Variants in SPOCK3 observed in about 807,000 individuals in gnomAD.
SPOCK3 encodes SPARC (osteonectin), cwcv and kazal like domains proteoglycan 3.
In SPOCK3, 30 loss-of-function variants were observed where a neutral mutation model predicts 56.6. The ratio of observed to expected loss-of-function variants is 0.53; its 90% CI spans 0.40 to 0.72. The LOEUF is 0.72. Ranked by LOEUF, SPOCK3 falls within the 30% of genes least tolerant of loss-of-function variation. SPOCK3 has a pLI of 0.00. For synonymous variants in SPOCK3, 196 were observed against 183.3 expected, an observed-to-expected ratio of 1.07 and a Z score of -0.56; for missense variants, 527 against 530.0, an observed-to-expected ratio of 0.99 and a Z score of 0.06.
intron 6 of SPOCK3, 34 bp from the exon 7 acceptor site, chr4:166,792,323 A>G: frequency 6.2e-7 from 1 of 1,610,592 alleles, no homozygotes. Flanking sequence ...GTCTTGAATA[A>G]TATCTTAGTA....
chr4:167,110,236 G>A (rs931979456), intron 2 of SPOCK3, among the ~76,000 whole-genome samples: 4 of 151,912 alleles, frequency 2.6e-5, no homozygotes, highest in Non-Finnish European at 4.4e-5. Context: ...TCCCCCAAGA[G>A]TATTCCACAT....
chr4:166,854,065 A>T lies in SPOCK3; in HGVS notation c.589+35065T>A, dbSNP rs542567459. Among the ~76,000 whole-genome samples, 3 of 152,314 alleles carry T rather than the reference A, an allele frequency of 2.0e-5. No individual in the cohort carries two copies. The East Asian group carries it at 5.8e-4, about 29-fold the overall frequency. On this transcript the variant is annotated intron_variant, in intron 6 of 10. Coordinates refer to ENST00000357545, the MANE Select transcript of SPOCK3 (RefSeq NM_001040159.2). ...TTTACCTACAAAAAGGCAACTTCAC[A>T]TAGCTCAACTCAATATATTTTGCAT...
At chr4:166,847,647 T>TTATATATATATATACATATATA (rs1553986752) in intron 6 of SPOCK3, among the ~76,000 whole-genome samples, 2 of 55,366 alleles carry the variant, frequency 3.6e-5, no homozygotes, top group African/African-American at 1.0e-4. Context: ...AAATCCTAGT[T>TTATATATATATATACATATATA]TATATATATA....
At chr4:166,826,750 T>A (rs1745523695) in intron 6 of SPOCK3, among the ~76,000 whole-genome samples, 1 of 152,150 alleles carries the variant, frequency 6.6e-6, no homozygotes, top group South Asian at 2.1e-4. Flanking sequence ...GATTTTTGTC[T>A]TTGTGGCATT....
At chr4:166,844,946 G>GT (rs953821366) in intron 6 of SPOCK3, among the ~76,000 whole-genome samples, 29 of 152,268 alleles carry the variant, frequency 1.9e-4, no homozygotes, top group African/African-American at 6.5e-4. Context: ...CCTGTCCGTG[G>GT]TTTTTTCTTT....
intron 2 of SPOCK3, among the ~76,000 whole-genome samples, chr4:167,150,360 C>G (rs1272580602): frequency 2.0e-5 from 3 of 151,308 alleles, no homozygotes; most frequent in Non-Finnish European, 4.4e-5. Flanking sequence ...AGAAAAGTTA[C>G]TGAAGAAATA....
At chr4:167,072,098 G>T (rs1218985148) in intron 2 of SPOCK3, among the ~76,000 whole-genome samples, 3 of 152,018 alleles carry the variant, frequency 2.0e-5, no homozygotes, top group African/African-American at 7.2e-5. Flanking sequence ...TCTGCAAGAG[G>T]TAAGTGATTC....
chr4:167,224,459 A>T (rs1392001465), intron 2 of SPOCK3, among the ~76,000 whole-genome samples: 1 of 152,176 alleles, frequency 6.6e-6, no homozygotes. Flanking sequence ...AATCCACATA[A>T]AAAAGCTTAA....
intron 7 of SPOCK3, among the ~76,000 whole-genome samples, chr4:166,772,614 G>T (rs762644353): frequency 3.9e-5 from 6 of 152,080 alleles, no homozygotes; most frequent in Non-Finnish European, 8.8e-5. Context: ...TGATATTATT[G>T]GGAAATTGAT....
At chr4:167,050,215 T>C (rs574348210) in intron 3 of SPOCK3, among the ~76,000 whole-genome samples, 1 of 152,252 alleles carries the variant, frequency 6.6e-6, no homozygotes, top group African/African-American at 2.4e-5. Flanking sequence ...CTTTGGACTG[T>C]TTTAATAAGA....
intron 5 of SPOCK3, among the ~76,000 whole-genome samples, chr4:166,903,031 C>T (rs1379220496): frequency 1.3e-5 from 2 of 149,380 alleles, no homozygotes; most frequent in Non-Finnish European, 3.0e-5. Flanking sequence ...CTCCTGTTAG[C>T]TTGCTTCATT....
intron 4 of SPOCK3, among the ~76,000 whole-genome samples, chr4:166,913,210 C>T (rs927062855): frequency 6.6e-6 from 1 of 152,092 alleles, no homozygotes; most frequent in African/African-American, 2.4e-5. Flanking sequence ...TACAATTTTC[C>T]AGGATTTATC....
At chr4:166,951,798 A>G (rs985791177) in intron 4 of SPOCK3, among the ~76,000 whole-genome samples, 6 of 151,734 alleles carry the variant, frequency 4.0e-5, no homozygotes, top group Admixed American at 3.9e-4. Context: ...CAATAAATGT[A>G]ATCCAGCATA....
At chr4:167,069,505 A>T (rs1434830758) in intron 2 of SPOCK3, among the ~76,000 whole-genome samples, 2 of 151,936 alleles carry the variant, frequency 1.3e-5, no homozygotes, top group African/African-American at 4.8e-5. Flanking sequence ...TTAAGCCACT[A>T]CATTTTGGGC....
chr4:167,051,968 C>A (rs187834141), intron 3 of SPOCK3, among the ~76,000 whole-genome samples: 49 of 152,044 alleles, frequency 3.2e-4, no homozygotes, highest in Non-Finnish European at 5.9e-4. Context: ...TATAAGGAAA[C>A]GGAAAATAGA....
At chr4:166,777,403 C>A (rs1739678303) in intron 7 of SPOCK3, among the ~76,000 whole-genome samples, 1 of 152,126 alleles carries the variant, frequency 6.6e-6, no homozygotes, top group Non-Finnish European at 1.5e-5. Flanking sequence ...TGCAACCTAG[C>A]TGAGTCACGT....
chr4:166,785,374 A>C lies in SPOCK3; in HGVS notation c.709+6796T>G, dbSNP rs113970735. On this transcript the variant is annotated intron_variant, in intron 7 of 10. Coordinates refer to ENST00000357545, the MANE Select transcript of SPOCK3 (RefSeq NM_001040159.2). ...TATGACATTTTTGACCATTTTGTCA[A>C]CTCAAATCATTTAGCTATGAAATAT... is the stretch of plus-strand genomic sequence containing the variant. 6.4e-3 allele frequency among the ~76,000 whole-genome samples: 973 copies of C among 152,176 alleles called. 13 individuals carry two copies. Among genetic ancestry groups the C allele is most frequent in the African/African-American group, 0.022 (898 of 41,542 alleles).
chr4:166,766,808 C>T (rs908509084), intron 7 of SPOCK3, among the ~76,000 whole-genome samples: 1 of 152,254 alleles, frequency 6.6e-6, no homozygotes, highest in Non-Finnish European at 1.5e-5. Context: ...GCTGTGAATC[C>T]ATCTGGTCCT....
At chr4:167,143,303 T>A (rs1309950078) in intron 2 of SPOCK3, among the ~76,000 whole-genome samples, 2 of 151,986 alleles carry the variant, frequency 1.3e-5, no homozygotes, top group African/African-American at 4.8e-5. Context: ...TTCAGGTAAC[T>A]TGTAAAGTGG....
Sources: gnomAD v4.1 joint callset for allele counts (sites outside exome capture counted in the v4.1 genomes callset) on GRCh38, gnomAD v4.1.1 for gene constraint, MANE v1.5 for transcripts, NCBI Gene and HGNC (gene_info 2026-07-23, HGNC 2026-07-21) for gene names.